The following ASPH variants were observed in gnomAD, a reference collection of about 807,000 sequenced individuals.
The protein encoded by ASPH is aspartate beta-hydroxylase.
ASPH carries 100 observed loss-of-function variants against 118.4 expected under a neutral mutation model. The ratio of observed to expected loss-of-function variants is 0.84; its 90% CI spans 0.72 to 1.00. ASPH has a LOEUF of 1.00. Ranked by LOEUF, ASPH falls within the 50% of genes least tolerant of loss-of-function variation. The pLI is 0.00. For missense variants in ASPH, 920 were observed against 919.5 expected, an observed-to-expected ratio of 1.00 and a Z score of -0.01; for synonymous variants, 315 against 325.6, an observed-to-expected ratio of 0.97 and a Z score of 0.35.
intron 21 of ASPH, among the ~76,000 whole-genome samples, chr8:61,541,057 A>G (rs1821720971): frequency 6.6e-6 from 1 of 152,196 alleles, no homozygotes; most frequent in South Asian, 2.1e-4. Flanking sequence ...CAGGAGATCG[A>G]GACCATCCTG....
At chr8:61,542,646 CAT>C in intron 21 of ASPH, among the ~76,000 whole-genome samples, 1 of 152,260 alleles carries the variant, frequency 6.6e-6, no homozygotes, top group Non-Finnish European at 1.5e-5. Flanking sequence ...AATAAAAACA[CAT>C]ATATTATCCC....
chr8:61,512,527 C>A (rs1050294016), intron 24 of ASPH, among the ~76,000 whole-genome samples: 2 of 152,168 alleles, frequency 1.3e-5, no homozygotes, highest in East Asian at 3.9e-4. Flanking sequence ...CCTGCCAACA[C>A]CCTAATTTTA....
chr8:61,635,974 G>T (rs1188905094), intron 12 of ASPH, among the ~76,000 whole-genome samples: 1 of 152,152 alleles, frequency 6.6e-6, no homozygotes, highest in Non-Finnish European at 1.5e-5. Flanking sequence ...TTCACACTGT[G>T]CCTAGAATAT....
In ASPH at chr8:61,663,452, G is replaced by C. The variant is rs954115052; in HGVS notation, c.323-9792C>G. ...TGAGGGCCATCTTGGTTATCAAGTG[G>C]TAGCATCTCCAAATAGAATAACTCA... On this transcript the variant is annotated intron_variant, in intron 3 of 24. Coordinates refer to ENST00000379454, the MANE Select transcript of ASPH (RefSeq NM_004318.4). 2.7e-5 allele frequency: 27 copies of C among 985,294 alleles called. No individual in the cohort carries two copies. In the African/African-American group the frequency reaches 4.0e-4, roughly 15 times the overall value. The allele number at this position is 985,294 out of a possible 1,614,324, so 61.0% of individuals were successfully genotyped here.
chr8:61,567,349 C>T (rs1349539295), intron 16 of ASPH, 31 bp from the exon 17 acceptor site: 3 of 1,591,842 alleles, frequency 1.9e-6, no homozygotes, highest in Admixed American at 3.5e-5. Context: ...GGATAAATGT[C>T]CCATGACTAG....
At chr8:61,552,517 C>T (rs1826377840) in intron 20 of ASPH, among the ~76,000 whole-genome samples, 1 of 152,094 alleles carries the variant, frequency 6.6e-6, no homozygotes, top group South Asian at 2.1e-4. Flanking sequence ...CACAACTAAC[C>T]ATTAGGATCT....
Position 61,548,172 on chromosome 8 carries a change from G to T in ASPH, c.1663C>A (p.His555Asn), listed in dbSNP as rs764041467. The T allele has an allele frequency of 2.5e-6, 4 of 1,613,894 alleles. No individual in the cohort carries two copies. Among genetic ancestry groups the T allele is most frequent in the Non-Finnish European group, 3.4e-6 (4 of 1,179,870 alleles). Residue 555 changes from histidine to asparagine, a missense_variant, in exon 21 of 25, where the codon CAC becomes AAC. By Grantham distance (68) the His-to-Asn change is moderately conservative. Coordinates refer to ENST00000379454, the MANE Select transcript of ASPH (RefSeq NM_004318.4). ...GAGCGTTGCCAGACAGATGCAAAGT[G>T]TCCTCTCTTGTGCCCAAGCTCATAC... ...KWYELGHKRG[H>N]FASVWQRSLY...
chr8:61,572,930 T>C (rs1169503329), intron 16 of ASPH, among the ~76,000 whole-genome samples: 1 of 152,194 alleles, frequency 6.6e-6, no homozygotes, highest in Non-Finnish European at 1.5e-5. Flanking sequence ...TTGTCTCTGT[T>C]TGCAGATGAC....
intron 17 of ASPH, among the ~76,000 whole-genome samples, chr8:61,566,037 C>G (rs1249324029): frequency 2.0e-5 from 3 of 152,112 alleles, no homozygotes; most frequent in African/African-American, 7.2e-5. Context: ...CTGATAAGCA[C>G]CTAGTCACCA....
At chr8:61,665,610 T>C in intron 3 of ASPH, 4 of 1,557,090 alleles carry the variant, frequency 2.6e-6, no homozygotes, top group Non-Finnish European at 3.4e-6. Flanking sequence ...TCTTTAACTT[T>C]CAGATTTTCC....
chr8:61,697,759 T>G (rs1368321566), intron 1 of ASPH, among the ~76,000 whole-genome samples: 1 of 152,234 alleles, frequency 6.6e-6, no homozygotes, highest in Non-Finnish European at 1.5e-5. Flanking sequence ...TCCATGTGTT[T>G]AAAGAAAAAC....
intron 14 of ASPH, among the ~76,000 whole-genome samples, chr8:61,593,440 T>A (rs1286492838): frequency 6.6e-6 from 1 of 152,206 alleles, no homozygotes; most frequent in Non-Finnish European, 1.5e-5. Flanking sequence ...ATCAACTATA[T>A]ACCAGCAGGA....
intron 1 of ASPH, among the ~76,000 whole-genome samples, chr8:61,710,253 C>T (rs1016353682): frequency 6.6e-6 from 1 of 152,122 alleles, no homozygotes; most frequent in African/African-American, 2.4e-5. Flanking sequence ...CAGATATGAT[C>T]CAGGTCATCA....
At chr8:61,652,455 T>C (rs1811500362) in intron 4 of ASPH, among the ~76,000 whole-genome samples, 2 of 152,306 alleles carry the variant, frequency 1.3e-5, no homozygotes, top group South Asian at 4.1e-4. Context: ...ATTTCAACTT[T>C]CCATAATTTT....
chr8:61,505,114 T>C (rs909102567), intron 24 of ASPH, among the ~76,000 whole-genome samples: 1 of 152,330 alleles, frequency 6.6e-6, no homozygotes, highest in African/African-American at 2.4e-5. Context: ...GTCCTCATCA[T>C]AGTGAATAAG....
rs562609906 is a variant in ASPH, at chr8:61,563,382, GGTAATGACCTA to G, written c.1301-513_1301-503del. On this transcript the variant is annotated intron_variant, in intron 17 of 24. Coordinates refer to ENST00000379454, the MANE Select transcript of ASPH (RefSeq NM_004318.4). ...TGAATGACAAGTGTACTCATCTCTA[GGTAATGACCTA>G]GTCATGGAGCAAATGATACATCATC... is the stretch of plus-strand genomic sequence containing the variant. Among the ~76,000 whole-genome samples, 16 of 152,222 alleles carry G rather than the reference GGTAATGACCTA, an allele frequency of 1.1e-4. No individual in the cohort carries two copies. The South Asian group carries it at 3.1e-3, about 30-fold the overall frequency.
At chr8:61,578,194 C>A in intron 15 of ASPH, 3 of 1,554,262 alleles carry the variant, frequency 1.9e-6, no homozygotes, top group South Asian at 2.3e-5. Context: ...TGGTTCGGCC[C>A]GCCTGCCTCC....
Position 61,583,507 on chromosome 8 carries a change from G to T in ASPH, c.1062+437C>A, listed in dbSNP as rs191123735. ...AGAGGTTCCAGTTAGCCGAGACTGTGCCACTGCACTTCAGCCTGGGTGGAG... is the reference window on the plus strand; with the variant it reads ...AGAGGTTCCAGTTAGCCGAGACTGTTCCACTGCACTTCAGCCTGGGTGGAG... On this transcript the variant is annotated intron_variant, in intron 15 of 24. Transcript: ENST00000379454. 9.8e-4 allele frequency: 148 copies of T among 150,836 alleles called. 3 individuals are homozygous for T. The highest frequency in any genetic ancestry group is 1.4e-3 in the Non-Finnish European group (97 of 71,758). The allele number at this position is 150,836 out of a possible 1,614,324, so 9.3% of individuals were successfully genotyped here.
chr8:61,635,568 G>T (rs1857384954), intron 12 of ASPH, among the ~76,000 whole-genome samples: 1 of 151,754 alleles, frequency 6.6e-6, no homozygotes, highest in Admixed American at 6.6e-5. Flanking sequence ...CTATAAGGTT[G>T]GTGCAAAAGT....
Sources: gnomAD v4.1 joint callset for allele counts (sites outside exome capture counted in the v4.1 genomes callset) on GRCh38, gnomAD v4.1.1 for gene constraint, MANE v1.5 for transcripts, NCBI Gene and HGNC (gene_info 2026-07-23, HGNC 2026-07-21) for gene names.